The following ANKRD42 variants were observed in gnomAD, a reference collection of about 807,000 sequenced individuals.
ANKRD42 encodes the protein ankyrin repeat domain-containing protein 42.
A neutral mutation model predicts 51.5 loss-of-function variants in ANKRD42; 43 were observed. That is an observed-to-expected ratio of 0.83 (90% confidence interval 0.65 to 1.08). The LOEUF is 1.08. Among genes scored for constraint, ANKRD42 ranks in the 50% least tolerant of loss-of-function variants. The probability of loss-of-function intolerance (pLI) is 0.00; values close to 1 mark genes in which losing one functional copy is unlikely to be tolerated. For missense variants in ANKRD42, 608 were observed against 629.3 expected, an observed-to-expected ratio of 0.97 and a Z score of 0.36; for synonymous variants, 203 against 213.0, an observed-to-expected ratio of 0.95 and a Z score of 0.41.
At chr11:83,260,275 CTG>C (rs2135574737), downstream of ANKRD42, 2 of 152,318 alleles carry the variant, frequency 1.3e-5, no homozygotes, top group Admixed American at 1.3e-4. Flanking sequence ...ATGTTCATCT[CTG>C]TGCACACAGG....
chr11:83,203,914 T>C (rs527802430), intron 2 of ANKRD42, among the ~76,000 whole-genome samples: 2 of 152,312 alleles, frequency 1.3e-5, no homozygotes, highest in East Asian at 3.9e-4. Flanking sequence ...AACTCCAGAA[T>C]TTCCATCTGG....
chr11:83,220,071 T>C (rs1479602026), intron 5 of ANKRD42, among the ~76,000 whole-genome samples: 3 of 152,200 alleles, frequency 2.0e-5, no homozygotes, highest in Admixed American at 2.0e-4. Context: ...GGCTGTCTCA[T>C]ACTCAGTAAC....
At position 83,212,963 on chromosome 11, in the gene ANKRD42, G is replaced by A. The variant is rs767873964; in HGVS notation, c.586+1533G>A. 16 of 1,557,572 alleles carry A rather than the reference G, an allele frequency of 1.0e-5. No homozygotes were observed. The East Asian group carries it at 1.1e-4, about 11-fold the overall frequency. On this transcript the variant is annotated intron_variant, in intron 5 of 10. Coordinates refer to ENST00000533342, the MANE Select transcript of ANKRD42 (RefSeq NM_001300975.2). ...TCAAAAAACAAAAAGCCCCTCTCTC[G>A]GCGCTGCCTACGGAGGTGGCAGCCA...
downstream of ANKRD42, among the ~76,000 whole-genome samples, chr11:83,264,186 G>A (rs1046562090): frequency 3.9e-5 from 6 of 152,142 alleles, no homozygotes; most frequent in African/African-American, 1.4e-4. Context: ...ACTGAAGGGA[G>A]AATGCCTGTT....
intron 9 of ANKRD42, among the ~76,000 whole-genome samples, chr11:83,243,967 C>CT (rs66756456): frequency 0.02 from 1,310 of 66,774 alleles, 144 homozygotes; most frequent in Non-Finnish European, 0.024. Flanking sequence ...CCTGGCTGCC[C>CT]TTTTTTTTTT....
At chr11:83,202,719 A>G (rs1389181378) in intron 2 of ANKRD42, among the ~76,000 whole-genome samples, 1 of 152,148 alleles carries the variant, frequency 6.6e-6, no homozygotes, top group Non-Finnish European at 1.5e-5. Flanking sequence ...CTGACTCCTT[A>G]GTGCTACCTC....
Position 83,206,112 on chromosome 11 carries a change from GGTTGGACAGCATCTCACATAGCTGCAA to G in ANKRD42, c.278_304del (p.Gly93_Ile102delinsVal). 6.2e-7 allele frequency: 1 copy of G among 1,614,070 alleles called. No individual in the cohort carries two copies. The highest frequency in any genetic ancestry group is 8.5e-7 in the Non-Finnish European group (1 of 1,179,956). ...TGATATCACACACGTAACAACGAGA[GGTTGGACAGCATCTCACATAGCTGCAA>G]TCAGGGGTCAGGATGCTTGTGTACA... On this transcript the variant is annotated inframe_deletion, in exon 3 of 11. Coordinates refer to ENST00000533342, the MANE Select transcript of ANKRD42 (RefSeq NM_001300975.2).
intron 8 of ANKRD42, among the ~76,000 whole-genome samples, chr11:83,238,793 G>A (rs546479505): frequency 1.3e-5 from 2 of 151,366 alleles, no homozygotes; most frequent in South Asian, 4.2e-4. Context: ...TTGTACCATT[G>A]CACTCCAGTC....
At chr11:83,247,011 T>C (rs1863560212) in intron 10 of ANKRD42, among the ~76,000 whole-genome samples, 1 of 152,092 alleles carries the variant, frequency 6.6e-6, no homozygotes, top group Non-Finnish European at 1.5e-5. Context: ...GGCAGACTGA[T>C]TTTTTTGTTT....
chr11:83,203,056 A>G (rs1861933820), intron 2 of ANKRD42, among the ~76,000 whole-genome samples: 2 of 130,830 alleles, frequency 1.5e-5, no homozygotes, highest in Admixed American at 8.8e-5. Flanking sequence ...CAGTGGTGTG[A>G]TCTCAGTTCA....
chr11:83,254,734 A>AATG (rs1322104642), intron 11 of ANKRD42, among the ~76,000 whole-genome samples: 1 of 152,178 alleles, frequency 6.6e-6, no homozygotes, highest in Non-Finnish European at 1.5e-5. Context: ...TCTTTAAAAT[A>AATG]CTGGTAATGC....
At chr11:83,214,654 A>C (rs1862459158) in intron 5 of ANKRD42, 1 of 709,688 alleles carries the variant, frequency 1.4e-6, no homozygotes, top group Non-Finnish European at 1.7e-6. Context: ...ATTTGTATCA[A>C]ATTTGATAAT....
chr11:83,258,934 T>C (rs571649674), downstream of ANKRD42, among the ~76,000 whole-genome samples: 315 of 152,270 alleles, frequency 2.1e-3, 1 homozygote, highest in Non-Finnish European at 2.4e-3. Context: ...ACACTGTGGC[T>C]ATAAACATGG....
downstream of ANKRD42, among the ~76,000 whole-genome samples, chr11:83,252,795 A>G (rs993623969): frequency 6.6e-6 from 1 of 151,740 alleles, no homozygotes; most frequent in African/African-American, 2.4e-5. Context: ...GCTCTTTGGT[A>G]TATATATTGT....
chr11:83,228,073 T>C (rs531387185), intron 7 of ANKRD42, among the ~76,000 whole-genome samples: 13 of 152,224 alleles, frequency 8.5e-5, no homozygotes, highest in African/African-American at 3.1e-4. Flanking sequence ...CAGATATTCA[T>C]ACATTATCTT....
intron 5 of ANKRD42, among the ~76,000 whole-genome samples, chr11:83,219,614 C>T (rs1862654249): frequency 6.6e-6 from 1 of 152,158 alleles, no homozygotes. Context: ...TATCCTGTGT[C>T]CCAACTGACT....
At chr11:83,247,910 T>A in intron 10 of ANKRD42, 33 bp from the exon 11 acceptor site, 1 of 1,546,042 alleles carries the variant, frequency 6.5e-7, no homozygotes, top group Non-Finnish European at 8.8e-7. Flanking sequence ...TTGACATTGA[T>A]GATTGATTTT....
At chr11:83,260,758 T>A (rs1439642874), downstream of ANKRD42, 3 of 152,240 alleles carry the variant, frequency 2.0e-5, no homozygotes, top group Non-Finnish European at 4.4e-5. Flanking sequence ...AAAGGATATT[T>A]TAAAATTTCT....
At chr11:83,208,791 G>A (rs1240226756) in intron 3 of ANKRD42, among the ~76,000 whole-genome samples, 1 of 152,140 alleles carries the variant, frequency 6.6e-6, no homozygotes, top group Non-Finnish European at 1.5e-5. Flanking sequence ...GGTCATCCAG[G>A]TAGAGAGGGC....
Sources: gnomAD v4.1 joint callset for allele counts (sites outside exome capture counted in the v4.1 genomes callset) on GRCh38, gnomAD v4.1.1 for gene constraint, MANE v1.5 for transcripts, NCBI Gene and HGNC (gene_info 2026-07-23, HGNC 2026-07-21) for gene names.